RBM25: variants seen among roughly 807,000 people sequenced by gnomAD.
RBM25 encodes the protein RNA binding motif protein 25.
RBM25 carries 19 observed loss-of-function variants against 120.7 expected under a neutral mutation model. That is an observed-to-expected ratio of 0.16 (90% CI 0.11 to 0.23). The LOEUF is 0.23. RBM25 is among the 10% of genes least tolerant of loss of function. The pLI is 1.00. For synonymous variants in RBM25, 390 were observed against 326.7 expected, an observed-to-expected ratio of 1.19 and a Z score of -2.09; for missense variants, 605 against 1,041.5, an observed-to-expected ratio of 0.58 and a Z score of 5.77.
rs184371596 is a variant in RBM25 at position 73,116,610 on chromosome 14, C to G, written c.2439+2277C>G. On this transcript the variant is annotated intron_variant, in intron 18 of 18. Coordinates refer to ENST00000261973, the MANE Select transcript of RBM25 (RefSeq NM_021239.3). ...TCCTTGGGGCTGAATTCTGAACTTTCCTGAAGCTTCCAGCCCCGTTTTTCT... is the reference window on the plus strand; with the variant it reads ...TCCTTGGGGCTGAATTCTGAACTTTGCTGAAGCTTCCAGCCCCGTTTTTCT... Among the ~76,000 whole-genome samples the G allele has an allele frequency of 6.8e-4, 104 of 152,252 alleles. 1 individual carries two copies. The highest frequency in any genetic ancestry group is 1.2e-3 in the Non-Finnish European group (81 of 68,004).
At chr14:73,064,834 T>G (rs1051254538) in intron 1 of RBM25, 3 of 151,318 alleles carry the variant, frequency 2.0e-5, no homozygotes, top group African/African-American at 7.3e-5. Context: ...AAATTTGAAG[T>G]GAATGGAATG....
At chr14:73,074,566 C>T (rs1291062369) in intron 2 of RBM25, among the ~76,000 whole-genome samples, 1 of 152,038 alleles carries the variant, frequency 6.6e-6, no homozygotes, top group Non-Finnish European at 1.5e-5. Flanking sequence ...AAGAAAGACC[C>T]TGTCTTGTGG....
rs1896556489 is a variant in RBM25 at position 73,122,597 on chromosome 14, C to T, written c.*2792C>T. The T allele has an allele frequency of 6.6e-6, 1 of 152,130 alleles. No individual in the cohort carries two copies. The highest frequency in any genetic ancestry group is 1.5e-5 in the Non-Finnish European group (1 of 68,034). 9.4% of individuals were successfully genotyped at this position (152,130 alleles called of 1,614,324 possible). On this transcript the variant is annotated 3_prime_UTR_variant, in exon 19 of 19. Transcript: ENST00000261973. ...GGCCAAAGCGTGAACATCTTAAGAACCAGTCTTGATCTGGCAAAAAAGTAG... is the reference window on the plus strand; with the variant it reads ...GGCCAAAGCGTGAACATCTTAAGAATCAGTCTTGATCTGGCAAAAAAGTAG...
chr14:73,103,937 C>T, intron 10 of RBM25, among the ~76,000 whole-genome samples: 1 of 47,634 alleles, frequency 2.1e-5, no homozygotes, highest in Non-Finnish European at 4.1e-5. Flanking sequence ...CTCTCTCTCT[C>T]TCTCTCTCTC....
In RBM25 at chr14:73,112,767, TTTTG is replaced by T. The variant is rs376708137; in HGVS notation, c.2391+525_2391+528del. Among the ~76,000 whole-genome samples, 153 of 152,034 alleles carry T rather than the reference TTTTG, an allele frequency of 1.0e-3. 1 individual carries two copies. Among genetic ancestry groups the T allele is most frequent in the African/African-American group, 1.2e-3 (48 of 41,394 alleles). Reference sequence around the variant, plus strand: ...GTGTTCTCGGCAGGTATTGTGTTAGTTTTGTTTGTTTTGTTTTGTTTTGTTTTTT... The same window carrying T: ...GTGTTCTCGGCAGGTATTGTGTTAGTTTTGTTTTGTTTTGTTTTGTTTTTT... On this transcript the variant is annotated intron_variant, in intron 17 of 18. Coordinates refer to ENST00000261973, the MANE Select transcript of RBM25 (RefSeq NM_021239.3).
At position 73,112,256 on chromosome 14, in the gene RBM25, T is replaced by A. The variant is rs1245788563; in HGVS notation, c.2391+6T>A. Reference sequence around the variant, plus strand: ...TTGATTTTGTTTGTTCTAAGGTTAGTCTTCTATTCTCTTCCATGCCAGCAT... The same window carrying A: ...TTGATTTTGTTTGTTCTAAGGTTAGACTTCTATTCTCTTCCATGCCAGCAT... On this transcript the variant is annotated splice_donor_region_variant and intron_variant, in intron 17 of 18. Transcript: ENST00000261973. The A allele has an allele frequency of 1.2e-5, 18 of 1,559,646 alleles. No homozygotes were observed. The East Asian group carries it at 3.0e-4, about 26-fold the overall frequency.
In RBM25 at chr14:73,112,256, T is replaced by G. The variant is rs1245788563; in HGVS notation, c.2391+6T>G. 1 of 1,559,528 alleles carries G rather than the reference T, an allele frequency of 6.4e-7. No individual in the cohort carries two copies. The highest frequency in any genetic ancestry group is 8.6e-7 in the Non-Finnish European group (1 of 1,162,174). On this transcript the variant is annotated splice_donor_region_variant and intron_variant, in intron 17 of 18. Transcript: ENST00000261973. ...TTGATTTTGTTTGTTCTAAGGTTAG[T>G]CTTCTATTCTCTTCCATGCCAGCAT...
At chr14:73,074,942 A>G (rs1895378980) in intron 2 of RBM25, among the ~76,000 whole-genome samples, 1 of 150,688 alleles carries the variant, frequency 6.6e-6, no homozygotes, top group Non-Finnish European at 1.5e-5. Context: ...TTGGCCTCCC[A>G]AAGTGTTTGG....
chr14:73,099,568 T>C (rs754135316), intron 8 of RBM25, 99 bp from the exon 9 acceptor site: 26 of 1,587,272 alleles, frequency 1.6e-5, no homozygotes, highest in Non-Finnish European at 2.0e-5. Flanking sequence ...TGTTTACTTA[T>C]TTACTCTTTG....
At chr14:73,099,319 C>T in intron 7 of RBM25, 61 bp from the exon 8 acceptor site, 2 of 1,449,678 alleles carry the variant, frequency 1.4e-6, no homozygotes, top group South Asian at 2.4e-5. Context: ...CATTGCTTTG[C>T]AGATTAGTAT....
intron 4 of RBM25, among the ~76,000 whole-genome samples, chr14:73,079,806 C>T (rs1488724005): frequency 6.6e-6 from 1 of 150,630 alleles, no homozygotes; most frequent in South Asian, 2.1e-4. Context: ...TTGTTTTCTT[C>T]TATTACTTCC....
At chr14:73,113,821 T>C (rs1054199834) in intron 17 of RBM25, among the ~76,000 whole-genome samples, 2 of 152,212 alleles carry the variant, frequency 1.3e-5, no homozygotes, top group African/African-American at 4.8e-5. Flanking sequence ...CTTGGCTATG[T>C]TTTATACTGA....
chr14:73,109,581 C>G, intron 14 of RBM25, 89 bp downstream of exon 14: 1 of 1,242,454 alleles, frequency 8.0e-7, no homozygotes, highest in Non-Finnish European at 1.1e-6. Flanking sequence ...ATCACGAGGT[C>G]GGGAGATCGA....
intron 9 of RBM25, chr14:73,102,520 T>C (rs1896075859): frequency 6.6e-6 from 1 of 152,272 alleles, no homozygotes; most frequent in African/African-American, 2.4e-5. Context: ...TATGTTGCTT[T>C]TAAATATTTT....
At position 73,077,384 on chromosome 14, in the gene RBM25, G is replaced by A. The variant is rs1209482008; in HGVS notation, c.172G>A (p.Val58Met). Reference sequence around the variant, plus strand: ...TTCACCTTAGGTCTTAGTACCCACTGTGTCTATGGTTGGAAAGCATTTGGG... The same window carrying A: ...TTCACCTTAGGTCTTAGTACCCACTATGTCTATGGTTGGAAAGCATTTGGG... ...APAPTVLVPTVSMVGKHLGAR... is the reference protein window; with the variant it reads ...APAPTVLVPTMSMVGKHLGAR... Residue 58 changes from valine (V) to methionine (M), a missense_variant, in exon 4 of 19, where the codon GTG becomes ATG. This residue lies in a region of RBM25 where 90 missense variants were observed against 107.3 expected (regional missense o/e 0.84). Transcript: ENST00000261973. 4 of 1,611,834 alleles carry A rather than the reference G, an allele frequency of 2.5e-6. No homozygotes were observed. The highest frequency in any genetic ancestry group is 1.7e-5 in the Admixed American group (1 of 59,560).
At chr14:73,077,132 A>G (rs967565872) in intron 3 of RBM25, among the ~76,000 whole-genome samples, 3 of 152,202 alleles carry the variant, frequency 2.0e-5, no homozygotes, top group African/African-American at 7.2e-5. Context: ...TTTCTTGGTT[A>G]TTTTTGTTTC....
chr14:73,076,983 A>G (rs1686758380), intron 3 of RBM25, among the ~76,000 whole-genome samples: 1 of 152,238 alleles, frequency 6.6e-6, no homozygotes, highest in African/African-American at 2.4e-5. Flanking sequence ...CGGGAGGCCG[A>G]GGCAGGAGAG....
intron 13 of RBM25, among the ~76,000 whole-genome samples, chr14:73,108,642 A>G (rs1031517458): frequency 7.9e-5 from 12 of 152,318 alleles, no homozygotes; most frequent in African/African-American, 2.2e-4. Flanking sequence ...TCTTGATACT[A>G]TTTTATCTCT....
chr14:73,067,765 A>G (rs1158540208), intron 1 of RBM25, among the ~76,000 whole-genome samples: 2 of 150,198 alleles, frequency 1.3e-5, no homozygotes, highest in Non-Finnish European at 1.5e-5. Context: ...CACCGCACCC[A>G]GCTAATTTTT....
Sources: gnomAD v4.1 joint callset for allele counts (sites outside exome capture counted in the v4.1 genomes callset) on GRCh38, gnomAD v4.1.1 for gene constraint, gnomAD v4.1.1 regional missense constraint, MANE v1.5 for transcripts, NCBI Gene and HGNC (gene_info 2026-07-23, HGNC 2026-07-21) for gene names.